Variants in DYSF observed in about 807,000 individuals in gnomAD.
The protein encoded by DYSF is dystrophy-associated fer-1-like 1.
A neutral mutation model predicts 274.9 loss-of-function variants in DYSF; 212 were observed. That is an observed-to-expected ratio of 0.77 (90% CI 0.69 to 0.86). The LOEUF (loss-of-function observed/expected upper bound fraction) is 0.86. Ranked by LOEUF, DYSF falls within the 40% of genes least tolerant of loss-of-function variation. The pLI, the probability that DYSF is intolerant of heterozygous loss-of-function variation, is 0.00. For missense variants in DYSF, 2,666 were observed against 2,783.2 expected (o/e 0.96, Z 0.95); for synonymous variants, 1,091 against 1,078.7 (o/e 1.01, Z -0.22).
At chr2:71,482,056 G>A in intron 3 of DYSF, 86 bp downstream of exon 3, 1 of 1,107,530 alleles carries the variant, frequency 9.0e-7, no homozygotes, top group Non-Finnish European at 1.4e-6. Context: ...CCAGGCCCCA[G>A]GGAGCTGGGG....
intron 23 of DYSF, 142 bp downstream of exon 23, chr2:71,562,086 T>C: frequency 8.6e-7 from 1 of 1,161,076 alleles, no homozygotes; most frequent in Non-Finnish European, 1.2e-6. Flanking sequence ...ACTTAACCTC[T>C]CTGAACCTCA....
intron 41 of DYSF, among the ~76,000 whole-genome samples, chr2:71,638,699 A>T (rs560972438): frequency 1.3e-5 from 2 of 152,330 alleles, no homozygotes; most frequent in Admixed American, 1.3e-4. Context: ...TGCCAGTGTA[A>T]GGATATATCA....
chr2:71,505,229 G>T (rs1347502965), intron 4 of DYSF, among the ~76,000 whole-genome samples: 1 of 152,238 alleles, frequency 6.6e-6, no homozygotes, highest in African/African-American at 2.4e-5. Context: ...GGGGCTTCCT[G>T]CCTGGGACCT....
chr2:71,574,506 G>A (rs1012577838), intron 30 of DYSF, 135 bp downstream of exon 30: 27 of 1,092,212 alleles, frequency 2.5e-5, no homozygotes, highest in South Asian at 1.4e-4. Context: ...TCATCCTGGC[G>A]TCAGTACCTG....
In DYSF at chr2:71,669,179, G is replaced by C. The variant is rs201592500; in HGVS notation, c.5614G>C (p.Glu1872Gln). The C allele has an allele frequency of 1.9e-6, 3 of 1,610,248 alleles. No individual in the cohort carries two copies. Among genetic ancestry groups the C allele is most frequent in the South Asian group, 1.1e-5 (1 of 89,822 alleles). The change falls in exon 50 of 56, where the codon GAG becomes CAG. Residue 1872 changes from glutamate to glutamine, a missense_variant. This residue lies in a region of DYSF where 1,460 missense variants were observed against 1,502.1 expected (regional missense o/e 0.97). Transcript: ENST00000410020. ...CCTGGATGACCTGAGCCTCACGGGG[G>C]AGAAGATGAGCGACATTTATGTGAA... ...VILDDLSLTG[E>Q]KMSDIYVKGW...
chr2:71,453,624 C>CGAT (rs1356160284), exon 1 of DYSF: 2 of 341,410 alleles, frequency 5.9e-6, no homozygotes, highest in African/African-American at 4.3e-5. Context: ...CCGGCCATCG[C>CGAT]GGCCGCCGCC....
intron 30 of DYSF, among the ~76,000 whole-genome samples, chr2:71,583,881 C>T (rs532700905): frequency 8.1e-4 from 123 of 152,298 alleles, no homozygotes; most frequent in Admixed American, 7.9e-3. Flanking sequence ...CTCTGGGGAC[C>T]CCTGGGGGAG....
At chr2:71,620,681 G>A in intron 41 of DYSF, 72 bp downstream of exon 41, 6 of 1,015,276 alleles carry the variant, frequency 5.9e-6, no homozygotes, top group South Asian at 1.4e-5. Context: ...GGTTAGGAGG[G>A]AAATGGGAGG....
intron 53 of DYSF, among the ~76,000 whole-genome samples, chr2:71,680,604 A>G (rs1190439165): frequency 6.6e-6 from 1 of 152,252 alleles, no homozygotes; most frequent in African/African-American, 2.4e-5. Flanking sequence ...ATGGTCAACC[A>G]TCCCATACAA....
At chr2:71,520,567 G>T (rs1201253686) in intron 11 of DYSF, among the ~76,000 whole-genome samples, 3 of 152,176 alleles carry the variant, frequency 2.0e-5, no homozygotes, top group Non-Finnish European at 4.4e-5. Flanking sequence ...AATGCCTTGG[G>T]TTTGGCTCTG....
Position 71,664,019 on chromosome 2 carries a change from G to A in DYSF, c.5004-249G>A, listed in dbSNP as rs78324663. Among the ~76,000 whole-genome samples the A allele has an allele frequency of 8.8e-3, 1,344 of 152,260 alleles. 68 individuals are homozygous for A. Among genetic ancestry groups the A allele is most frequent in the Admixed American group, 0.076 (1,164 of 15,296 alleles). ...ATGTGCATTTCCAATTCATTCTTTC[G>A]GTCTGTGGTCCATCAGGCAGGCACT... On this transcript the variant is annotated intron_variant, in intron 45 of 55. Coordinates refer to ENST00000410020, the MANE Select transcript of DYSF (RefSeq NM_001130987.2).
chr2:71,568,564 ATTT>A (rs372984442), intron 26 of DYSF, among the ~76,000 whole-genome samples: 1 of 146,196 alleles, frequency 6.8e-6, no homozygotes, highest in African/African-American at 2.5e-5. Flanking sequence ...CATTAAAAAA[ATTT>A]TTTTTTTTTT....
intron 3 of DYSF, among the ~76,000 whole-genome samples, chr2:71,492,935 G>A (rs1230688313): frequency 6.6e-6 from 1 of 152,024 alleles, no homozygotes; most frequent in Non-Finnish European, 1.5e-5. Flanking sequence ...AGGCTGGAGT[G>A]CAGTGCTTTG....
chr2:71,570,604 G>C lies in DYSF; in HGVS notation c.3091G>C (p.Glu1031Gln). 1 of 1,613,848 alleles carries C rather than the reference G, an allele frequency of 6.2e-7. No homozygotes were observed. Among genetic ancestry groups the C allele is most frequent in the Non-Finnish European group, 8.5e-7 (1 of 1,179,912 alleles). The change falls in exon 29 of 56, where the codon GAG becomes CAG. Residue 1031 changes from glutamate (E) to glutamine (Q), a missense_variant. By Grantham distance (29) the Glu-to-Gln change is conservative. Transcript: ENST00000410020. ...ACCGGTTCCCCCTCCCCCAGGCTGG[G>C]AGTATAGCATCACCATCCCCCCGGA... is the stretch of plus-strand genomic sequence containing the variant. ...LNRAVDEQGW[E>Q]YSITIPPERK...
Position 71,516,180 on chromosome 2 carries a change from ACT to A in DYSF, c.892_893del (p.Leu298PhefsTer6), listed in dbSNP as rs1553522104. 1.2e-6 allele frequency: 2 copies of A among 1,613,086 alleles called. No homozygotes were observed. Among genetic ancestry groups the A allele is most frequent in the South Asian group, 2.2e-5 (2 of 91,030 alleles). ...HKGNSPLFNE[T>X]LFFNLFDSPG... Reference sequence around the variant, plus strand: ...GTCTCTCTTTGCTCTGAACCAACAGACTCTTTTCTTCAACTTGTTTGACTCTC... The same window carrying A: ...GTCTCTCTTTGCTCTGAACCAACAGACTTTTCTTCAACTTGTTTGACTCTC... On this transcript the variant is annotated frameshift_variant and splice_region_variant, in exon 9 of 56. Coordinates refer to ENST00000410020, the MANE Select transcript of DYSF (RefSeq NM_001130987.2). LOFTEE classifies it high-confidence loss of function.
Position 71,668,860 on chromosome 2 carries a change from A to T in DYSF, c.5546+18A>T, listed in dbSNP as rs534855764. 1.2e-6 allele frequency: 2 copies of T among 1,609,678 alleles called. No homozygotes were observed. Among genetic ancestry groups the T allele is most frequent in the East Asian group, 2.2e-5 (1 of 44,652 alleles). The stretch of plus-strand genomic sequence containing the variant: ...GCCAGAAGGTGACTTGCCCAGCCAC[A>T]GGCTCTGAGCTGGGCTGAGGGGTGG... On this transcript the variant is annotated intron_variant, in intron 49 of 55. Coordinates refer to ENST00000410020, the MANE Select transcript of DYSF (RefSeq NM_001130987.2).
rs772118450 is a variant in DYSF at position 71,620,539 on chromosome 2, A to G, written c.4465-8A>G. On this transcript the variant is annotated splice_region_variant and splice_polypyrimidine_tract_variant and intron_variant, in intron 40 of 55. Coordinates refer to ENST00000410020, the MANE Select transcript of DYSF (RefSeq NM_001130987.2). ...ATCCTGTTGCTAACCAGCATGTTTCATTTGTAGCTTGCAGACGGTCTGTCG... is the reference window on the plus strand; with the variant it reads ...ATCCTGTTGCTAACCAGCATGTTTCGTTTGTAGCTTGCAGACGGTCTGTCG... The G allele has an allele frequency of 5.0e-5, 78 of 1,551,572 alleles. No homozygotes were observed. Among genetic ancestry groups the G allele is most frequent in the Non-Finnish European group, 6.7e-5 (77 of 1,147,000 alleles).
chr2:71,612,511 C>T (rs1418366372), intron 38 of DYSF, 130 bp from the exon 39 acceptor site: 4 of 1,422,024 alleles, frequency 2.8e-6, no homozygotes, highest in Non-Finnish European at 3.9e-6. Flanking sequence ...CAGCTCTGGG[C>T]CAGCCACCAT....
In DYSF at chr2:71,555,317, G is replaced by A. The variant is rs115030664; in HGVS notation, c.2110-648G>A. On this transcript the variant is annotated intron_variant, in intron 21 of 55. Transcript: ENST00000410020. ...GATTGGTAGTCCAAGTCCTGAGCAC[G>A]TGTCCTTGCTCAGGAAGGCTGCTGG... 7.5e-3 allele frequency among the ~76,000 whole-genome samples: 1,147 copies of A among 152,214 alleles called. 9 individuals are homozygous for A. Among genetic ancestry groups the A allele is most frequent in the Non-Finnish European group, 0.013 (892 of 67,986 alleles).
Sources: gnomAD v4.1 joint callset for allele counts (sites outside exome capture counted in the v4.1 genomes callset) on GRCh38, gnomAD v4.1.1 for gene constraint, gnomAD v4.1.1 regional missense constraint, MANE v1.5 for transcripts, NCBI Gene and HGNC (gene_info 2026-07-23, HGNC 2026-07-21) for gene names.